Variants in NELL2 observed in about 807,000 individuals in gnomAD.
The protein encoded by NELL2 is neural EGFL like 2, also known as protein kinase C-binding protein NELL2.
NELL2 carries 41 observed loss-of-function variants against 109.6 expected under a neutral mutation model. That is an observed-to-expected ratio of 0.37 (90% confidence interval 0.29 to 0.49). The LOEUF is 0.49. NELL2 is among the 20% of genes least tolerant of loss of function. The pLI is 0.98. For missense variants in NELL2, 900 were observed against 1,008.3 expected (o/e 0.89, Z 1.45); for synonymous variants, 355 against 344.7 (o/e 1.03, Z -0.33).
chr12:44,613,540 G>T (rs1945703796), intron 13 of NELL2, among the ~76,000 whole-genome samples: 1 of 151,968 alleles, frequency 6.6e-6, no homozygotes, highest in Non-Finnish European at 1.5e-5. Context: ...TTTGATTTTG[G>T]ATATTTCAAA....
intron 2 of NELL2, 48 bp from the exon 3 acceptor site, chr12:44,816,184 T>C: frequency 1.4e-6 from 2 of 1,479,104 alleles, no homozygotes; most frequent in African/African-American, 1.4e-5. Flanking sequence ...TTTGATTTTA[T>C]GAAGTATCTT....
chr12:44,673,984 C>G (rs1221837655), intron 12 of NELL2, among the ~76,000 whole-genome samples: 2 of 151,532 alleles, frequency 1.3e-5, no homozygotes, highest in Admixed American at 1.3e-4. Context: ...AATGGACATG[C>G]ACTATGTTCC....
intron 1 of NELL2, among the ~76,000 whole-genome samples, chr12:44,906,836 A>G (rs1051926371): frequency 3.9e-5 from 6 of 152,108 alleles, no homozygotes; most frequent in African/African-American, 1.2e-4. Flanking sequence ...AAAGGAAAGA[A>G]ACACATAAGA....
chr12:44,807,124 C>T (rs1217587138), intron 3 of NELL2, among the ~76,000 whole-genome samples: 1 of 151,068 alleles, frequency 6.6e-6, no homozygotes, highest in Non-Finnish European at 1.5e-5. Context: ...AGTGAAATAA[C>T]AACCAAATAA....
At chr12:44,847,531 C>T (rs1192593848) in intron 2 of NELL2, among the ~76,000 whole-genome samples, 1 of 147,944 alleles carries the variant, frequency 6.8e-6, no homozygotes, top group Non-Finnish European at 1.5e-5. Flanking sequence ...CAGTCTTCTG[C>T]CTGAAAGATT....
At chr12:44,913,704 C>T (rs946991135) in intron 1 of NELL2, 1 of 498,092 alleles carries the variant, frequency 2.0e-6, no homozygotes, top group African/African-American at 2.1e-5. Context: ...AAAACCACAG[C>T]TGTTTGAAAA....
At chr12:44,561,582 G>T (rs1943469502) in intron 15 of NELL2, among the ~76,000 whole-genome samples, 1 of 152,048 alleles carries the variant, frequency 6.6e-6, no homozygotes, top group Non-Finnish European at 1.5e-5. Context: ...GCTACAAAGA[G>T]AATAAAATAC....
In NELL2 at chr12:44,905,342, C is replaced by A. The variant is rs537678859; in HGVS notation, c.38+8457G>T. The stretch of plus-strand genomic sequence containing the variant: ...TTTATTTAATTATATTTTATAATTT[C>A]TATTTCATGTGGTATGTTTATGCTT... On this transcript the variant is annotated intron_variant, in intron 1 of 20. Coordinates refer to the NELL2 transcript ENST00000333837. 4.0e-5 allele frequency among the ~76,000 whole-genome samples: 6 copies of A among 151,728 alleles called. 1 individual carries two copies. Among genetic ancestry groups the A allele is most frequent in the African/African-American group, 1.4e-4 (6 of 41,452 alleles).
At chr12:44,609,969 T>C (rs764236223) in intron 14 of NELL2, among the ~76,000 whole-genome samples, 13 of 151,966 alleles carry the variant, frequency 8.6e-5, no homozygotes, top group Non-Finnish European at 1.8e-4. Flanking sequence ...TGTTATACTA[T>C]GGGAGTTCAC....
At chr12:44,764,685 C>T (rs546619337) in intron 9 of NELL2, among the ~76,000 whole-genome samples, 2 of 152,272 alleles carry the variant, frequency 1.3e-5, no homozygotes, top group South Asian at 4.1e-4. Flanking sequence ...TGGCTTATCT[C>T]AGGCAACAGC....
chr12:44,897,995 G>A (rs1945614433), intron 1 of NELL2, among the ~76,000 whole-genome samples: 1 of 152,180 alleles, frequency 6.6e-6, no homozygotes, highest in South Asian at 2.1e-4. Context: ...TAAACAAGCT[G>A]TTGGGAACTT....
intron 3 of NELL2, among the ~76,000 whole-genome samples, chr12:44,789,243 A>G (rs7134380): frequency 0.24 from 35,844 of 151,932 alleles, 4,475 homozygotes; most frequent in South Asian, 0.3. Flanking sequence ...CACCTCCACC[A>G]GAATAAGTGC....
At chr12:44,856,801 G>A (rs1179027283) in intron 2 of NELL2, among the ~76,000 whole-genome samples, 1 of 152,152 alleles carries the variant, frequency 6.6e-6, no homozygotes, top group Admixed American at 6.5e-5. Context: ...GTGAAACGAA[G>A]AACCCCTGAA....
rs17655662 is a variant in NELL2, at chr12:44,853,557, A to G, written c.184+21668T>C. ...TTTGAAAGGCAAAAACATAAAGCCT[A>G]GAGTCATAGTGCTTTCCTGAGTTGG... On this transcript the variant is annotated intron_variant, in intron 2 of 19. Transcript: ENST00000429094. 7.1e-3 allele frequency among the ~76,000 whole-genome samples: 1,087 copies of G among 152,254 alleles called. 7 individuals carry two copies. Among genetic ancestry groups the G allele is most frequent in the Non-Finnish European group, 0.01 (684 of 67,998 alleles).
intron 3 of NELL2, among the ~76,000 whole-genome samples, chr12:44,785,751 C>T (rs1202920561): frequency 3.3e-5 from 5 of 152,230 alleles, no homozygotes; most frequent in African/African-American, 1.2e-4. Flanking sequence ...TAATCTTTGA[C>T]AAACCTGACA....
chr12:44,626,084 A>G (rs916354572), intron 13 of NELL2, among the ~76,000 whole-genome samples: 22 of 152,148 alleles, frequency 1.4e-4, no homozygotes, highest in African/African-American at 5.3e-4. Flanking sequence ...AAAAATGACA[A>G]TATATATATC....
At chr12:44,780,456 C>T (rs568402176) in intron 3 of NELL2, among the ~76,000 whole-genome samples, 1 of 151,918 alleles carries the variant, frequency 6.6e-6, no homozygotes, top group African/African-American at 2.4e-5. Flanking sequence ...CAAACCATGC[C>T]AAACAAAAGC....
At chr12:44,655,472 C>T (rs1947464735) in intron 13 of NELL2, among the ~76,000 whole-genome samples, 1 of 152,236 alleles carries the variant, frequency 6.6e-6, no homozygotes, top group Non-Finnish European at 1.5e-5. Context: ...CTCCCAGAGG[C>T]TTTGAGCCTG....
At chr12:44,522,244 C>G (rs531445293) in intron 17 of NELL2, 68 bp from the exon 18 acceptor site, 3 of 1,305,980 alleles carry the variant, frequency 2.3e-6, no homozygotes, top group East Asian at 2.4e-5. Flanking sequence ...CACACACACA[C>G]GCACACACAT....
Sources: allele counts gnomAD v4.1 joint callset (sites outside exome capture counted in the v4.1 genomes callset), GRCh38; gene constraint gnomAD v4.1.1; transcripts MANE v1.5; gene names NCBI Gene and HGNC (gene_info 2026-07-23, HGNC 2026-07-21).